Variants in PUDP observed in about 807,000 individuals in gnomAD.
PUDP encodes the protein pseudouridine-5'-phosphatase.
A neutral mutation model predicts 9.4 loss-of-function variants in PUDP; 8 were observed. The ratio of observed to expected loss-of-function variants is 0.85; its 90% CI spans 0.50 to 1.53. PUDP has a LOEUF of 1.53. Among genes scored for constraint, PUDP ranks in the 40% most tolerant of loss-of-function variants. PUDP has a pLI of 0.00. For synonymous variants in PUDP, 99 were observed against 80.7 expected (o/e 1.23, Z -1.22); for missense variants, 188 against 189.7 (o/e 0.99, Z 0.05).
intron 3 of PUDP, among the ~76,000 whole-genome samples, chrX:6,763,692 TA>T (rs1210958875): frequency 1.8e-5 from 2 of 112,106 alleles, no homozygotes; most frequent in African/African-American, 6.5e-5. Context: ...TTTGCTGTTT[TA>T]AATAACATTG....
At position 6,733,065 on chromosome X, in the gene PUDP, G is replaced by A. The variant is rs760781390; in HGVS notation, c.*248-26599C>T. ...CTGCAGGGTGATGAGAAGGGGCATG[G>A]ATTGAGCCACTGGGCCTGTGCTGAC... is the stretch of plus-strand genomic sequence containing the variant. On this transcript the variant is annotated intron_variant and NMD_transcript_variant, in intron 3 of 3. Coordinates refer to the PUDP transcript ENST00000655425. Among the ~76,000 whole-genome samples the A allele has an allele frequency of 4.4e-5, 5 of 112,601 alleles. No individual in the cohort carries two copies. In the South Asian group the frequency reaches 1.8e-3, roughly 41 times the overall value.
chrX:6,752,514 G>C (rs957310908), intron 3 of PUDP, among the ~76,000 whole-genome samples: 19 of 111,633 alleles, frequency 1.7e-4, no homozygotes, highest in African/African-American at 6.2e-4. Flanking sequence ...TTAATAACTA[G>C]GAAACTGTAG....
chrX:6,834,347 A>G (rs747937190), intron 3 of PUDP, among the ~76,000 whole-genome samples: 132 of 111,668 alleles, frequency 1.2e-3, no homozygotes, highest in African/African-American at 3.9e-3. Flanking sequence ...TTTAATGTGC[A>G]CCTTCTCTGC....
At chrX:6,734,173 G>C (rs1460807251) in intron 3 of PUDP, among the ~76,000 whole-genome samples, 1 of 111,366 alleles carries the variant, frequency 9.0e-6, no homozygotes, top group Non-Finnish European at 1.9e-5. Context: ...CTCATTTCAA[G>C]AATGTTGCCT....
intron 2 of PUDP, among the ~76,000 whole-genome samples, chrX:7,105,070 G>A (rs1039769928): frequency 2.7e-5 from 3 of 111,279 alleles, no homozygotes; most frequent in Non-Finnish European, 5.6e-5. Context: ...TAACAAGCAC[G>A]GAGGGAACAA....
At chrX:6,806,530 T>C (rs192042131) in intron 3 of PUDP, among the ~76,000 whole-genome samples, 10 of 111,865 alleles carry the variant, frequency 8.9e-5, no homozygotes, top group East Asian at 8.5e-4. Context: ...AGTCTCACCA[T>C]GTTGCCCAGG....
At chrX:7,058,496 G>A (rs1930310469) in intron 3 of PUDP, among the ~76,000 whole-genome samples, 1 of 111,836 alleles carries the variant, frequency 8.9e-6, no homozygotes, top group African/African-American at 3.3e-5. Context: ...CATTAATTTT[G>A]TAATATGAAG....
At chrX:7,139,103 T>C (rs1340540113) in intron 1 of PUDP, among the ~76,000 whole-genome samples, 1 of 112,203 alleles carries the variant, frequency 8.9e-6, no homozygotes, top group African/African-American at 3.2e-5. Flanking sequence ...TGCTAACACA[T>C]TCTTATTGTG....
chrX:6,902,904 A>AG (rs899371726), intron 3 of PUDP, among the ~76,000 whole-genome samples: 8 of 111,693 alleles, frequency 7.2e-5, no homozygotes, highest in Non-Finnish European at 1.1e-4. Context: ...AAGTAGGAGG[A>AG]GGGGGAAAAA....
At chrX:6,717,784 G>A (rs1202149160) in intron 1 of PUDP, among the ~76,000 whole-genome samples, 2 of 111,892 alleles carry the variant, frequency 1.8e-5, no homozygotes, top group Non-Finnish European at 3.8e-5. Context: ...TGAGGTCAAA[G>A]ATTTTCTCTC....
intron 2 of PUDP, among the ~76,000 whole-genome samples, chrX:7,081,391 A>T (rs1931081644): frequency 1.8e-5 from 2 of 112,089 alleles, no homozygotes; most frequent in Non-Finnish European, 3.8e-5. Context: ...TGCTTCAAGT[A>T]ATCCTCTTGC....
At chrX:6,768,157 G>A (rs1180221932) in intron 3 of PUDP, among the ~76,000 whole-genome samples, 1 of 111,979 alleles carries the variant, frequency 8.9e-6, no homozygotes, top group Non-Finnish European at 1.9e-5. Flanking sequence ...GGGCGATTTT[G>A]TTCTCCCTGG....
Position 7,148,093 on chromosome X carries a change from G to C in PUDP, c.21C>G (p.Pro7=), listed in dbSNP as rs1409802725. ...CCATGTCAAAGATGAGGTGGGTGAC[G>C]GGCTGCGGGGGCGCCGCCATGGTGG... is the stretch of plus-strand genomic sequence containing the variant. MAAPPQ[P]VTHLIFDMDG... Residue 7 remains proline, a synonymous_variant, in exon 1 of 4, where the codon CCC becomes CCG. Coordinates refer to ENST00000381077, the MANE Select transcript of PUDP (RefSeq NM_012080.5). 3.5e-6 allele frequency: 4 copies of C among 1,132,414 alleles called. No individual in the cohort carries two copies. In the Admixed American group the frequency reaches 1.1e-4, roughly 32 times the overall value. The allele number at this position is 1,132,414 out of a possible 1,213,427, so 93.3% of individuals were successfully genotyped here.
At chrX:7,060,888 G>A (rs919152550) in intron 3 of PUDP, among the ~76,000 whole-genome samples, 2 of 112,053 alleles carry the variant, frequency 1.8e-5, no homozygotes, top group Non-Finnish European at 3.8e-5. Flanking sequence ...TAGGCCCCTC[G>A]GCAATGGGCT....
intron 3 of PUDP, among the ~76,000 whole-genome samples, chrX:6,786,755 T>C (rs1237108476): frequency 8.9e-6 from 1 of 112,169 alleles, no homozygotes; most frequent in Non-Finnish European, 1.9e-5. Flanking sequence ...ATAGCTGGCA[T>C]TGAATTACAT....
chrX:6,746,572 C>A (rs1027243438), intron 3 of PUDP, among the ~76,000 whole-genome samples: 3 of 110,517 alleles, frequency 2.7e-5, no homozygotes, highest in Non-Finnish European at 1.9e-5. Context: ...TCCCCCCACC[C>A]CATCCCCCAA....
At chrX:7,028,868 G>A (rs755371458) in intron 1 of PUDP, among the ~76,000 whole-genome samples, 1 of 111,737 alleles carries the variant, frequency 8.9e-6, no homozygotes, top group African/African-American at 3.2e-5. Context: ...AGCGGGGCTG[G>A]TTCCTCCTGA....
chrX:6,821,065 G>C (rs1266302426), intron 3 of PUDP, among the ~76,000 whole-genome samples: 1 of 110,651 alleles, frequency 9.0e-6, no homozygotes, highest in Non-Finnish European at 1.9e-5. Flanking sequence ...CTCGATTCCT[G>C]ACTTTTGTGT....
At chrX:6,744,232 C>T (rs1924972018) in intron 3 of PUDP, among the ~76,000 whole-genome samples, 1 of 112,175 alleles carries the variant, frequency 8.9e-6, no homozygotes, top group African/African-American at 3.3e-5. Flanking sequence ...TCCAAAAAAG[C>T]AAATTGGCAA....
Sources: gnomAD v4.1 joint callset for allele counts (sites outside exome capture counted in the v4.1 genomes callset) on GRCh38, gnomAD v4.1.1 for gene constraint, MANE v1.5 for transcripts, NCBI Gene and HGNC (gene_info 2026-07-23, HGNC 2026-07-21) for gene names.